KIAA1217: variants seen among roughly 807,000 people sequenced by gnomAD.
KIAA1217 encodes KIAA1217, also known as sickle tail protein homolog.
In KIAA1217, 88 loss-of-function variants were observed where a neutral mutation model predicts 163.9. The observed-to-expected ratio is 0.54, with a 90% CI of 0.45 to 0.64. The LOEUF is 0.64. Among genes scored for constraint, KIAA1217 ranks in the 30% least tolerant of loss-of-function variants. The probability of loss-of-function intolerance (pLI) is 0.00; values close to 1 mark genes in which losing one functional copy is unlikely to be tolerated. For missense variants in KIAA1217, 2,372 were observed against 2,475.0 expected (o/e 0.96, Z 0.88); for synonymous variants, 903 against 923.1 (o/e 0.98, Z 0.39).
intron 1 of KIAA1217, among the ~76,000 whole-genome samples, chr10:23,736,978 T>C (rs932691265): frequency 2.6e-5 from 4 of 152,220 alleles, no homozygotes; most frequent in African/African-American, 9.6e-5. Context: ...TTTGAGTGAA[T>C]TCTATTTAAT....
intron 5 of KIAA1217, among the ~76,000 whole-genome samples, chr10:24,441,647 C>A (rs1287425082): frequency 6.6e-6 from 1 of 152,234 alleles, no homozygotes; most frequent in South Asian, 2.1e-4. Context: ...TGGAACTCAG[C>A]ATACCTGGCT....
chr10:23,776,530 T>A (rs139826012), intron 1 of KIAA1217, among the ~76,000 whole-genome samples: 1 of 151,566 alleles, frequency 6.6e-6, no homozygotes, highest in African/African-American at 2.4e-5. Context: ...ATAGATATTA[T>A]CTAAGGCTAT....
chr10:23,923,288 A>T (rs900255235), intron 1 of KIAA1217, among the ~76,000 whole-genome samples: 4 of 152,148 alleles, frequency 2.6e-5, no homozygotes, highest in Non-Finnish European at 5.9e-5. Context: ...GCAATTGCAA[A>T]TTGTGCTGTT....
chr10:24,080,704 T>G (rs2061509704), intron 2 of KIAA1217, among the ~76,000 whole-genome samples: 1 of 152,196 alleles, frequency 6.6e-6, no homozygotes, highest in Admixed American at 6.5e-5. Flanking sequence ...AAAAATTATT[T>G]CTAAATAGCA....
At chr10:24,283,677 T>C (rs2078220475) in intron 2 of KIAA1217, among the ~76,000 whole-genome samples, 1 of 151,902 alleles carries the variant, frequency 6.6e-6, no homozygotes, top group African/African-American at 2.4e-5. Context: ...AAAAAATAAT[T>C]AAAAAAAGAA....
Position 23,706,866 on chromosome 10 carries a change from A to C in KIAA1217, c.-321+11632A>C, listed in dbSNP as rs540926380. Among the ~76,000 whole-genome samples, 19 of 152,292 alleles carry C rather than the reference A, an allele frequency of 1.2e-4. No homozygotes were observed. The East Asian group carries it at 3.5e-3, about 28-fold the overall frequency. On this transcript the variant is annotated intron_variant, in intron 1 of 18. Transcript: ENST00000376462. ...GGGCTGATAGTGAGTTCCAGTCAGC[A>C]GTATGGAAGAGGGGAGGAAAACCCT...
chr10:24,204,043 T>C (rs773982938), upstream of KIAA1217, among the ~76,000 whole-genome samples: 49 of 152,224 alleles, frequency 3.2e-4, no homozygotes, highest in Non-Finnish European at 5.7e-4. Context: ...ATCAATGGGT[T>C]CTCTTAAAAA....
At chr10:24,079,705 CT>C (rs1246440070) in intron 2 of KIAA1217, among the ~76,000 whole-genome samples, 1 of 152,266 alleles carries the variant, frequency 6.6e-6, no homozygotes, top group African/African-American at 2.4e-5. Flanking sequence ...AGGGCCACCC[CT>C]GATGATGGTT....
intron 16 of KIAA1217, among the ~76,000 whole-genome samples, chr10:24,535,355 G>A (rs2073849152): frequency 6.6e-6 from 1 of 152,220 alleles, no homozygotes; most frequent in African/African-American, 2.4e-5. Context: ...CAGATTTTAG[G>A]ACCAGTGTTG....
At chr10:24,471,155 C>G (rs1317531624) in intron 5 of KIAA1217, among the ~76,000 whole-genome samples, 1 of 152,230 alleles carries the variant, frequency 6.6e-6, no homozygotes, top group Non-Finnish European at 1.5e-5. Context: ...GGTGCCTCTA[C>G]TATCCCTACT....
chr10:23,908,157 C>T (rs891978008), intron 1 of KIAA1217, among the ~76,000 whole-genome samples: 47 of 151,964 alleles, frequency 3.1e-4, no homozygotes, highest in African/African-American at 1.1e-3. Flanking sequence ...TACAAGAGCC[C>T]GTGCAGCTAG....
At chr10:24,384,818 G>A (rs1024347971) in intron 3 of KIAA1217, among the ~76,000 whole-genome samples, 2 of 152,234 alleles carry the variant, frequency 1.3e-5, no homozygotes, top group Non-Finnish European at 2.9e-5. Context: ...TTACTGGCGT[G>A]AGCCACCACA....
At chr10:24,200,568 T>C (rs938219339) in intron 2 of KIAA1217, among the ~76,000 whole-genome samples, 1 of 152,196 alleles carries the variant, frequency 6.6e-6, no homozygotes, top group African/African-American at 2.4e-5. Flanking sequence ...CCAGTTTTCC[T>C]GGGACTTTTC....
At chr10:23,869,096 G>A (rs1020376159) in intron 1 of KIAA1217, among the ~76,000 whole-genome samples, 1 of 134,874 alleles carries the variant, frequency 7.4e-6, no homozygotes, top group Non-Finnish European at 1.5e-5. Flanking sequence ...ATATACATTT[G>A]CAGTGTAACG....
At chr10:23,741,033 CT>C (rs1839084687) in intron 1 of KIAA1217, among the ~76,000 whole-genome samples, 1 of 152,176 alleles carries the variant, frequency 6.6e-6, no homozygotes, top group African/African-American at 2.4e-5. Flanking sequence ...TATGGATGTC[CT>C]ACCCTTTCTG....
chr10:23,796,815 A>G (rs1320001272), intron 1 of KIAA1217, among the ~76,000 whole-genome samples: 2 of 152,092 alleles, frequency 1.3e-5, no homozygotes, highest in African/African-American at 2.4e-5. Flanking sequence ...CTTTAGGTAC[A>G]TGACTTTAGT....
intron 2 of KIAA1217, among the ~76,000 whole-genome samples, chr10:24,350,875 G>C (rs865809351): frequency 1.3e-5 from 2 of 150,608 alleles, no homozygotes; most frequent in African/African-American, 2.4e-5. Context: ...TGCAAGGGTC[G>C]TTTTCATGGT....
At chr10:23,714,972 C>A (rs1446968484) in intron 1 of KIAA1217, among the ~76,000 whole-genome samples, 1 of 152,152 alleles carries the variant, frequency 6.6e-6, no homozygotes. Context: ...CATGGAAAGA[C>A]AAGAACGCTA....
intron 2 of KIAA1217, among the ~76,000 whole-genome samples, chr10:24,220,723 G>C (rs2069497991): frequency 6.7e-6 from 1 of 150,056 alleles, no homozygotes; most frequent in South Asian, 2.1e-4. Flanking sequence ...CAAAGTGCTG[G>C]GATTACAGGC....
Sources: allele counts gnomAD v4.1 joint callset (sites outside exome capture counted in the v4.1 genomes callset), GRCh38; gene constraint gnomAD v4.1.1; transcripts MANE v1.5; gene names NCBI Gene and HGNC (gene_info 2026-07-23, HGNC 2026-07-21).